Variants in FOXP2 observed in about 807,000 individuals in gnomAD.
The protein encoded by FOXP2 is forkhead box protein P2.
Under a neutral mutation model 115.8 loss-of-function variants are expected in FOXP2, and 12 were observed. The observed-to-expected ratio is 0.10, with a 90% CI of 0.07 to 0.17. The LOEUF is 0.17. FOXP2 is among the 10% of genes least tolerant of loss of function. The pLI is 1.00. For missense variants in FOXP2, 629 were observed against 843.5 expected (o/e 0.75, Z 3.15); for synonymous variants, 328 against 297.7 (o/e 1.10, Z -1.05).
chr7:114,276,789 A>T (rs988544025), intron 1 of FOXP2, among the ~76,000 whole-genome samples: 3 of 152,024 alleles, frequency 2.0e-5, no homozygotes, highest in Non-Finnish European at 4.4e-5. Flanking sequence ...GGAAGAATTG[A>T]TTTTTCAGCC....
chr7:114,585,336 A>G (rs1802078316), intron 3 of FOXP2, among the ~76,000 whole-genome samples: 1 of 152,142 alleles, frequency 6.6e-6, no homozygotes, highest in African/African-American at 2.4e-5. Context: ...ATTTCTACCA[A>G]GAGCTCCTGG....
intron 2 of FOXP2, among the ~76,000 whole-genome samples, chr7:114,454,755 A>G (rs1478541281): frequency 7.6e-6 from 1 of 131,510 alleles, no homozygotes; most frequent in Non-Finnish European, 1.6e-5. Context: ...CATTCTCAGT[A>G]AACTATCACA....
rs113499464 is a variant in FOXP2, at chr7:114,206,003, G to A, written c.-102+42915G>A. Among the ~76,000 whole-genome samples the A allele has an allele frequency of 2.8e-3, 429 of 152,298 alleles. 2 individuals are homozygous for A. Among genetic ancestry groups the A allele is most frequent in the African/African-American group, 9.5e-3 (393 of 41,566 alleles). ...CTGGCAGTTTGGGAGGCCAAGGTGGGTGGATCGCTTGACTCCAAGAGTTTG... is the reference window on the plus strand; with the variant it reads ...CTGGCAGTTTGGGAGGCCAAGGTGGATGGATCGCTTGACTCCAAGAGTTTG... On this transcript the variant is annotated intron_variant, in intron 1 of 17. Transcript: ENST00000634411.
chr7:114,236,190 A>G (rs918983381), intron 1 of FOXP2, among the ~76,000 whole-genome samples: 3 of 152,208 alleles, frequency 2.0e-5, no homozygotes, highest in African/African-American at 7.2e-5. Context: ...CTTTCAATGG[A>G]TTGGCAATTG....
chr7:114,185,797 A>G (rs1222691245), intron 1 of FOXP2, among the ~76,000 whole-genome samples: 1 of 152,142 alleles, frequency 6.6e-6, no homozygotes, highest in Non-Finnish European at 1.5e-5. Context: ...TATTCTATAT[A>G]TTTACTTTAT....
intron 3 of FOXP2, among the ~76,000 whole-genome samples, chr7:114,572,560 A>T (rs184833051): frequency 6.6e-6 from 1 of 151,982 alleles, no homozygotes; most frequent in East Asian, 1.9e-4. Context: ...CTTTAACTTA[A>T]TAAAGAAAAT....
chr7:114,500,680 A>G (rs923053042), intron 2 of FOXP2, among the ~76,000 whole-genome samples: 1 of 152,202 alleles, frequency 6.6e-6, no homozygotes, highest in African/African-American at 2.4e-5. Context: ...TGCCCAAAGT[A>G]ATACAGCTCT....
intron 1 of FOXP2, among the ~76,000 whole-genome samples, chr7:114,230,723 A>G (rs1794853970): frequency 6.6e-6 from 1 of 152,004 alleles, no homozygotes; most frequent in Non-Finnish European, 1.5e-5. Flanking sequence ...AAATTACCTC[A>G]ACATAAGAAA....
intron 1 of FOXP2, among the ~76,000 whole-genome samples, chr7:114,098,858 C>T (rs1235225926): frequency 6.6e-6 from 1 of 152,164 alleles, no homozygotes; most frequent in Admixed American, 6.5e-5. Context: ...TATAACTAGG[C>T]CAGGCACAGT....
intron 3 of FOXP2, among the ~76,000 whole-genome samples, chr7:114,602,294 A>T (rs762706321): frequency 1.3e-5 from 2 of 152,020 alleles, no homozygotes; most frequent in Non-Finnish European, 2.9e-5. Flanking sequence ...GGATAGCTAC[A>T]CCAGCTGTCT....
chr7:114,149,008 G>A (rs1792459616), intron 1 of FOXP2, among the ~76,000 whole-genome samples: 1 of 152,034 alleles, frequency 6.6e-6, no homozygotes, highest in Non-Finnish European at 1.5e-5. Context: ...ACAGCTTATG[G>A]CTGGCTAAAT....
Position 114,644,730 on chromosome 7 carries a change from T to C in FOXP2, c.1035T>C (p.His345=). ...GGGCCTCTCACACTCTCTATGGCCA[T>C]GGAGTTTGCAAATGGCCAGGCTGTG... is the stretch of plus-strand genomic sequence containing the variant. ...ETGASHTLYG[H]GVCKWPGCES... is the part of the protein sequence containing the mutation. The change falls in exon 8 of 17, where the codon CAT becomes CAC. Residue 345 remains histidine, a synonymous_variant. Transcript: ENST00000350908. 1 of 1,610,906 alleles carries C rather than the reference T, an allele frequency of 6.2e-7. No individual in the cohort carries two copies. The highest frequency in any genetic ancestry group is 1.1e-5 in the South Asian group (1 of 91,024).
intron 2 of FOXP2, among the ~76,000 whole-genome samples, chr7:114,503,832 C>T (rs918148132): frequency 2.0e-5 from 3 of 151,112 alleles, no homozygotes; most frequent in African/African-American, 7.3e-5. Context: ...TACAATATTG[C>T]TGCTTCTCTG....
At chr7:114,311,510 T>C (rs1282526978) in intron 2 of FOXP2, among the ~76,000 whole-genome samples, 1 of 152,062 alleles carries the variant, frequency 6.6e-6, no homozygotes. Context: ...CAAGATTACA[T>C]TATTAAATTG....
chr7:114,246,476 T>C (rs1795287428), intron 1 of FOXP2, among the ~76,000 whole-genome samples: 1 of 152,174 alleles, frequency 6.6e-6, no homozygotes, highest in South Asian at 2.1e-4. Flanking sequence ...TTTATTAATT[T>C]ATTGTCCAGA....
upstream of FOXP2, chr7:114,087,665 G>C (rs1049058307): frequency 3.4e-5 from 5 of 147,970 alleles, no homozygotes; most frequent in Non-Finnish European, 7.5e-5. Flanking sequence ...GACCCACTGG[G>C]TGGCCGCGCG....
intron 1 of FOXP2, among the ~76,000 whole-genome samples, chr7:114,100,300 A>G (rs1201774118): frequency 4.6e-5 from 7 of 152,214 alleles, no homozygotes; most frequent in South Asian, 4.2e-4. Flanking sequence ...ATTAATATTC[A>G]TGTTTGCTAA....
chr7:114,520,291 G>T (rs1288378206), intron 2 of FOXP2, among the ~76,000 whole-genome samples: 1 of 151,952 alleles, frequency 6.6e-6, no homozygotes, highest in Non-Finnish European at 1.5e-5. Context: ...TTTTAATGAA[G>T]TGTTCTTCCT....
At chr7:114,313,605 C>T (rs1797199217) in intron 2 of FOXP2, among the ~76,000 whole-genome samples, 1 of 102,194 alleles carries the variant, frequency 9.8e-6, no homozygotes, top group Non-Finnish European at 1.8e-5. Flanking sequence ...ATTAGCCGGG[C>T]GTAGTGGCGG....
Sources: gnomAD v4.1 joint callset for allele counts (sites outside exome capture counted in the v4.1 genomes callset) on GRCh38, gnomAD v4.1.1 for gene constraint, MANE v1.5 for transcripts, NCBI Gene and HGNC (gene_info 2026-07-23, HGNC 2026-07-21) for gene names.